The following MIER2 variants were observed in gnomAD, a reference collection of about 807,000 sequenced individuals.
MIER2 encodes MIER family member 2.
A neutral mutation model predicts 67.6 loss-of-function variants in MIER2; 30 were observed. The observed-to-expected ratio is 0.44, with a 90% CI of 0.33 to 0.60. The LOEUF is 0.60. Ranked by LOEUF, MIER2 falls within the 20% of genes least tolerant of loss-of-function variation. The pLI is 0.02. For missense variants in MIER2, 702 were observed against 745.1 expected, an observed-to-expected ratio of 0.94 and a Z score of 0.67; for synonymous variants, 372 against 312.6, an observed-to-expected ratio of 1.19 and a Z score of -2.00.
At chr19:317,241 A>T (rs2145404494) in intron 7 of MIER2, among the ~76,000 whole-genome samples, 1 of 144,928 alleles carries the variant, frequency 6.9e-6, no homozygotes, top group East Asian at 2.0e-4. Flanking sequence ...AAAAATACAA[A>T]ATTAGGCCGG....
Position 308,745 on chromosome 19 carries a change from G to A in MIER2, c.1109+56C>T. The A allele has an allele frequency of 6.3e-7, 1 of 1,593,434 alleles. No individual in the cohort carries two copies. Among genetic ancestry groups the A allele is most frequent in the South Asian group, 1.1e-5 (1 of 90,342 alleles). ...AGAGGTGCCGCCCAGGCGCCCACGT[G>A]CCCACCCCCGGCGGGGTGGCCGCCT... On this transcript the variant is annotated intron_variant, in intron 11 of 13. Coordinates refer to ENST00000264819, the MANE Select transcript of MIER2 (RefSeq NM_017550.3). The surrounding 1 kb of genome is among the most constrained non-coding windows in gnomAD (Gnocchi z 9.1).
At chr19:333,695 T>C (rs1460496698) in intron 3 of MIER2, among the ~76,000 whole-genome samples, 44 of 109,548 alleles carry the variant, frequency 4.0e-4, no homozygotes, top group Non-Finnish European at 6.0e-4. Context: ...GTATTCTTTT[T>C]TTTCTTTTTT....
intron 3 of MIER2, among the ~76,000 whole-genome samples, chr19:331,783 C>G (rs1336238293): frequency 6.6e-6 from 1 of 151,940 alleles, no homozygotes; most frequent in South Asian, 2.1e-4. Context: ...GAGTTTGAGA[C>G]CAGCCTGTCC....
intron 3 of MIER2, among the ~76,000 whole-genome samples, chr19:329,637 C>T (rs762926613): frequency 3.9e-5 from 6 of 152,062 alleles, no homozygotes; most frequent in Non-Finnish European, 5.9e-5. Context: ...GCCTGTAATC[C>T]CAGCACTTTG....
chr19:317,217 A>G (rs1971274040), intron 7 of MIER2, among the ~76,000 whole-genome samples: 2 of 152,022 alleles, frequency 1.3e-5, no homozygotes, highest in Admixed American at 1.3e-4. Context: ...ACATGGAGAC[A>G]ACCCATCTCT....
chr19:316,941 C>G (rs1173114327), intron 7 of MIER2, among the ~76,000 whole-genome samples: 2 of 152,078 alleles, frequency 1.3e-5, no homozygotes, highest in East Asian at 3.9e-4. Flanking sequence ...TGTACTCCAG[C>G]CTGGGCGACA....
chr19:325,563 G>C lies in MIER2; in HGVS notation c.655+72C>G, dbSNP rs1398541161. On this transcript the variant is annotated intron_variant, in intron 7 of 13. Transcript: ENST00000264819. ...GCGGGGACCTGACCAGACTGTCCAAGGATCTGACGTCCAGCCAGGCCACTC... is the reference window on the plus strand; with the variant it reads ...GCGGGGACCTGACCAGACTGTCCAACGATCTGACGTCCAGCCAGGCCACTC... 103 of 1,559,414 alleles carry C rather than the reference G, an allele frequency of 6.6e-5. No individual in the cohort carries two copies. The East Asian group carries it at 2.2e-3, about 34-fold the overall frequency.
intron 1 of MIER2, chr19:344,341 C>T: frequency 1.0e-6 from 1 of 984,932 alleles, no homozygotes; most frequent in Non-Finnish European, 1.2e-6. Flanking sequence ...GGGCGCCTGG[C>T]GGCCCCAGCA....
intron 7 of MIER2, among the ~76,000 whole-genome samples, chr19:317,835 G>GACAT (rs1304956525): frequency 1.3e-5 from 2 of 151,716 alleles, no homozygotes; most frequent in East Asian, 1.9e-4. Context: ...ATAATTACAT[G>GACAT]ACATACAAGT....
intron 2 of MIER2, among the ~76,000 whole-genome samples, chr19:335,106 T>C (rs1972179609): frequency 6.6e-6 from 1 of 152,254 alleles, no homozygotes; most frequent in Non-Finnish European, 1.5e-5. Context: ...GATCCAGGGT[T>C]TCCCCGAAAG....
chr19:343,165 C>T (rs969375575), intron 1 of MIER2, among the ~76,000 whole-genome samples: 3 of 152,218 alleles, frequency 2.0e-5, no homozygotes, highest in African/African-American at 4.8e-5. Flanking sequence ...AGCAGCCGGA[C>T]CACAAGCTGC....
At chr19:314,580 C>T (rs1262778494) in intron 7 of MIER2, among the ~76,000 whole-genome samples, 1 of 152,138 alleles carries the variant, frequency 6.6e-6, no homozygotes, top group African/African-American at 2.4e-5. Flanking sequence ...CGGTAACTAG[C>T]TCCCAGGTTG....
rs374100784 is a variant in MIER2, at chr19:306,449, G to C, written c.*241C>G. 3.3e-6 allele frequency: 2 copies of C among 611,378 alleles called. No individual in the cohort carries two copies. Among genetic ancestry groups the C allele is most frequent in the Middle Eastern group, 4.4e-4 (1 of 2,282 alleles). The allele number at this position is 611,378 out of a possible 1,614,324, so 37.9% of individuals were successfully genotyped here. A position where few individuals can be genotyped will look rare whatever the true frequency, so the allele number is the denominator to read the frequency against. On this transcript the variant is annotated 3_prime_UTR_variant, in exon 14 of 14. Transcript: ENST00000264819. Reference sequence around the variant, plus strand: ...GATCCCACGTGCAGGCAGCGGCCCGGACCCGGGTGGCAGTGCCGGGCGCTG... The same window carrying C: ...GATCCCACGTGCAGGCAGCGGCCCGCACCCGGGTGGCAGTGCCGGGCGCTG...
chr19:337,377 A>C (rs1046186106), intron 1 of MIER2, among the ~76,000 whole-genome samples: 5 of 152,214 alleles, frequency 3.3e-5, no homozygotes, highest in Non-Finnish European at 7.3e-5. Flanking sequence ...TACTTTCATA[A>C]GGAAAAATAC....
chr19:342,789 T>C (rs1163706599), intron 1 of MIER2, among the ~76,000 whole-genome samples: 1 of 151,910 alleles, frequency 6.6e-6, no homozygotes. Context: ...TCAACTTCCA[T>C]GTACAAGCCG....
Position 306,447 on chromosome 19 carries a change from C to G in MIER2, c.*243G>C. The G allele has an allele frequency of 3.3e-6, 2 of 611,046 alleles. No homozygotes were observed. Among genetic ancestry groups the G allele is most frequent in the Non-Finnish European group, 2.9e-6 (1 of 348,830 alleles). The allele number at this position is 611,046 out of a possible 1,614,324, so 37.9% of individuals were successfully genotyped here. A position where few individuals can be genotyped will look rare whatever the true frequency, so the allele number is the denominator to read the frequency against. On this transcript the variant is annotated 3_prime_UTR_variant, in exon 14 of 14. Transcript: ENST00000264819. ...CGGATCCCACGTGCAGGCAGCGGCCCGGACCCGGGTGGCAGTGCCGGGCGC... is the reference window on the plus strand; with the variant it reads ...CGGATCCCACGTGCAGGCAGCGGCCGGGACCCGGGTGGCAGTGCCGGGCGC...
intron 7 of MIER2, among the ~76,000 whole-genome samples, chr19:320,353 C>A (rs1971448423): frequency 6.6e-6 from 1 of 151,722 alleles, no homozygotes; most frequent in South Asian, 2.1e-4. Context: ...GCACTCCAGC[C>A]TGAGCGACAG....
intron 1 of MIER2, among the ~76,000 whole-genome samples, chr19:340,115 A>C (rs1972436044): frequency 6.6e-6 from 1 of 152,222 alleles, no homozygotes; most frequent in Non-Finnish European, 1.5e-5. Context: ...CATTCCCCTC[A>C]CAAAAAAACA....
rs531245916 is a variant in MIER2 at position 326,097 on chromosome 19, C to T, written c.586-393G>A. 8.5e-5 allele frequency among the ~76,000 whole-genome samples: 13 copies of T among 152,310 alleles called. 1 individual carries two copies. Among genetic ancestry groups the T allele is most frequent in the East Asian group, 3.9e-4 (2 of 5,192 alleles). On this transcript the variant is annotated intron_variant, in intron 6 of 13. Transcript: ENST00000264819. ...GAGAGGGCTCAGCAGGACCCGGCTG[C>T]GGTTACTGAGGCCGAGATACCAGGT...
Sources: gnomAD v4.1 joint callset for allele counts (sites outside exome capture counted in the v4.1 genomes callset) on GRCh38, gnomAD v4.1.1 for gene constraint, Gnocchi (gnomAD v3.1) non-coding constraint, MANE v1.5 for transcripts, NCBI Gene and HGNC (gene_info 2026-07-23, HGNC 2026-07-21) for gene names.